The following SH3GL2 variants were observed in gnomAD, a reference collection of about 807,000 sequenced individuals.
The protein encoded by SH3GL2 is endophilin-A1.
In SH3GL2, 24 loss-of-function variants were observed where a neutral mutation model predicts 46.0. The observed-to-expected ratio is 0.52, with a 90% CI of 0.38 to 0.73. SH3GL2 has a LOEUF of 0.73. SH3GL2 is among the 30% of genes least tolerant of loss of function. SH3GL2 has a pLI of 0.00. For synonymous variants in SH3GL2, 196 were observed against 147.1 expected (o/e 1.33, Z -2.40); for missense variants, 413 against 424.2 (o/e 0.97, Z 0.23).
In SH3GL2 at chr9:17,782,981, G is replaced by T. The variant is rs74995507; in HGVS notation, c.188-3400G>T. Among the ~76,000 whole-genome samples, 139 of 152,158 alleles carry T rather than the reference G, an allele frequency of 9.1e-4. 2 individuals carry two copies. Among genetic ancestry groups the T allele is most frequent in the African/African-American group, 3.2e-3 (133 of 41,522 alleles). ...TGTCCATGGAAACACGCAAGGAAGG[G>T]ACTCTGGGCAGTGCAGTTCTCTGTG... On this transcript the variant is annotated intron_variant, in intron 3 of 8. Transcript: ENST00000380607.
intron 1 of SH3GL2, among the ~76,000 whole-genome samples, chr9:17,722,799 A>G (rs1821928072): frequency 6.6e-6 from 1 of 152,108 alleles, no homozygotes; most frequent in Admixed American, 6.6e-5. Flanking sequence ...TCAGTAATTT[A>G]TGTCCATATC....
At chr9:17,624,318 A>T (rs1228513911) in intron 1 of SH3GL2, among the ~76,000 whole-genome samples, 2 of 152,144 alleles carry the variant, frequency 1.3e-5, no homozygotes, top group East Asian at 3.9e-4. Flanking sequence ...CCTTGCAATA[A>T]GTGGTCTGTG....
chr9:17,779,319 G>T (rs10963268), intron 3 of SH3GL2, among the ~76,000 whole-genome samples: 1 of 152,000 alleles, frequency 6.6e-6, no homozygotes, highest in Admixed American at 6.6e-5. Flanking sequence ...TTGTTTTTTG[G>T]AGACTTAGGG....
chr9:17,716,324 T>A (rs1453760657), intron 1 of SH3GL2, among the ~76,000 whole-genome samples: 1 of 152,124 alleles, frequency 6.6e-6, no homozygotes, highest in Non-Finnish European at 1.5e-5. Flanking sequence ...CAGTTCTTGG[T>A]CTTTGTTCTG....
chr9:17,745,924 A>G (rs568622422), intron 1 of SH3GL2, among the ~76,000 whole-genome samples: 6 of 152,320 alleles, frequency 3.9e-5, no homozygotes, highest in Admixed American at 1.3e-4. Context: ...AAAAGCATCT[A>G]TCTTTACAAT....
chr9:17,646,316 G>A (rs574818065), intron 1 of SH3GL2, among the ~76,000 whole-genome samples: 47 of 151,994 alleles, frequency 3.1e-4, no homozygotes, highest in South Asian at 1.7e-3. Flanking sequence ...ATTGGGTTAG[G>A]ACATGCTTCT....
intron 1 of SH3GL2, among the ~76,000 whole-genome samples, chr9:17,690,952 C>A (rs933169877): frequency 6.6e-6 from 1 of 152,138 alleles, no homozygotes; most frequent in Non-Finnish European, 1.5e-5. Flanking sequence ...ACTTCTGCAA[C>A]CTAGCCTTCA....
At position 17,685,813 on chromosome 9, in the gene SH3GL2, G is replaced by C. The variant is rs1359006444; in HGVS notation, c.46-61253G>C. Among the ~76,000 whole-genome samples, 11 of 152,130 alleles carry C rather than the reference G, an allele frequency of 7.2e-5. No individual in the cohort carries two copies. In the East Asian group the frequency reaches 1.7e-3, roughly 24 times the overall value. On this transcript the variant is annotated intron_variant, in intron 1 of 8. Coordinates refer to ENST00000380607, the MANE Select transcript of SH3GL2 (RefSeq NM_003026.5). ...TTCTGTTCCATTGATCTATATCTCT[G>C]TTTTGGTACCAGTACCATGCTGTTT...
intron 1 of SH3GL2, among the ~76,000 whole-genome samples, chr9:17,601,556 T>C (rs1462030555): frequency 1.3e-5 from 2 of 152,240 alleles, no homozygotes; most frequent in African/African-American, 4.8e-5. Flanking sequence ...TTGTAAAATA[T>C]CTTTTTAGTC....
chr9:17,704,098 G>A (rs1276820630), intron 1 of SH3GL2, among the ~76,000 whole-genome samples: 1 of 150,822 alleles, frequency 6.6e-6, no homozygotes, highest in African/African-American at 2.5e-5. Flanking sequence ...TGAAATTTCA[G>A]GATACAAAAT....
intron 1 of SH3GL2, among the ~76,000 whole-genome samples, chr9:17,640,228 A>T (rs1819644889): frequency 1.3e-5 from 2 of 152,138 alleles, no homozygotes; most frequent in Admixed American, 1.3e-4. Context: ...ATTTGCTTCT[A>T]CTAATGAAGC....
In SH3GL2 at chr9:17,795,971, A is replaced by G. The variant is rs1824265455; in HGVS notation, c.*228A>G. ...CATGTGCTTTTTAAAACATCATCTG[A>G]GACCAGCCAGTAGTCACAGAACTGC... is the stretch of plus-strand genomic sequence containing the variant. On this transcript the variant is annotated 3_prime_UTR_variant, in exon 9 of 9. Transcript: ENST00000380607. 5.6e-6 allele frequency: 3 copies of G among 539,572 alleles called. No homozygotes were observed. Among genetic ancestry groups the G allele is most frequent in the Non-Finnish European group, 1.0e-5 (3 of 301,330 alleles). The allele number at this position is 539,572 out of a possible 1,614,324, so 33.4% of individuals were successfully genotyped here. A position where few individuals can be genotyped will look rare whatever the true frequency, so the allele number is the denominator to read the frequency against.
intron 1 of SH3GL2, among the ~76,000 whole-genome samples, chr9:17,641,156 A>G (rs1446220331): frequency 1.3e-5 from 2 of 152,144 alleles, no homozygotes; most frequent in East Asian, 1.9e-4. Context: ...CCAATATTAT[A>G]AACTCTGTGC....
chr9:17,717,616 C>G (rs910028326), intron 1 of SH3GL2, among the ~76,000 whole-genome samples: 1 of 152,060 alleles, frequency 6.6e-6, no homozygotes, highest in African/African-American at 2.4e-5. Flanking sequence ...AGAATATGCC[C>G]TCTCTGCCTT....
intron 1 of SH3GL2, among the ~76,000 whole-genome samples, chr9:17,654,196 T>C (rs1012684315): frequency 6.6e-5 from 10 of 152,130 alleles, no homozygotes; most frequent in Non-Finnish European, 1.5e-5. Context: ...TGGCTGCTCC[T>C]GTTTCTCTCC....
chr9:17,629,999 T>C (rs1819382980), intron 1 of SH3GL2, among the ~76,000 whole-genome samples: 1 of 152,212 alleles, frequency 6.6e-6, no homozygotes, highest in Non-Finnish European at 1.5e-5. Flanking sequence ...AATGTGCCGT[T>C]CTTACTGGAG....
At chr9:17,693,093 T>C (rs1359806580) in intron 1 of SH3GL2, among the ~76,000 whole-genome samples, 1 of 152,150 alleles carries the variant, frequency 6.6e-6, no homozygotes, top group African/African-American at 2.4e-5. Context: ...AGTGTTTTGG[T>C]TTTTTAGCCA....
chr9:17,671,720 C>T (rs953815200), intron 1 of SH3GL2, among the ~76,000 whole-genome samples: 2 of 152,162 alleles, frequency 1.3e-5, no homozygotes, highest in Non-Finnish European at 2.9e-5. Context: ...TATTGTGCCT[C>T]TGTTCTACAC....
At chr9:17,769,784 C>G (rs1027186429) in intron 3 of SH3GL2, among the ~76,000 whole-genome samples, 2 of 152,086 alleles carry the variant, frequency 1.3e-5, no homozygotes, top group African/African-American at 2.4e-5. Flanking sequence ...TCATATAGAA[C>G]GTAATCTCCA....
Sources: allele counts gnomAD v4.1 joint callset (sites outside exome capture counted in the v4.1 genomes callset), GRCh38; gene constraint gnomAD v4.1.1; transcripts MANE v1.5; gene names NCBI Gene and HGNC (gene_info 2026-07-23, HGNC 2026-07-21).